Variants in KIRREL3 observed in about 807,000 individuals in gnomAD.
KIRREL3 encodes the protein kirre like nephrin family adhesion molecule 3, also known as kin of IRRE-like protein 3.
A neutral mutation model predicts 89.7 loss-of-function variants in KIRREL3; 36 were observed. That is an observed-to-expected ratio of 0.40 (90% CI 0.31 to 0.53). The LOEUF (loss-of-function observed/expected upper bound fraction) is 0.53. KIRREL3 is among the 20% of genes least tolerant of loss of function. The pLI, the probability that KIRREL3 is intolerant of heterozygous loss-of-function variation, is 0.49. For missense variants in KIRREL3, 864 were observed against 1,056.6 expected, an observed-to-expected ratio of 0.82 and a Z score of 2.53; for synonymous variants, 445 against 441.4, an observed-to-expected ratio of 1.01 and a Z score of -0.10.
chr11:126,798,143 C>A (rs1256326271), intron 1 of KIRREL3, among the ~76,000 whole-genome samples: 2 of 151,670 alleles, frequency 1.3e-5, no homozygotes, highest in Admixed American at 1.3e-4. Context: ...AGCATCTGTG[C>A]AACCCCCTTC....
chr11:126,480,041 T>A (rs1423263478), intron 4 of KIRREL3, among the ~76,000 whole-genome samples: 2 of 152,168 alleles, frequency 1.3e-5, no homozygotes, highest in East Asian at 1.9e-4. Flanking sequence ...TCTGTGTGTG[T>A]CTCTTCCCTG....
At chr11:126,758,365 A>G (rs1949571048) in intron 1 of KIRREL3, among the ~76,000 whole-genome samples, 1 of 152,224 alleles carries the variant, frequency 6.6e-6, no homozygotes, top group Admixed American at 6.5e-5. Flanking sequence ...AGTAATTTGT[A>G]GTAGTACTAT....
chr11:126,885,234 T>C (rs899468708), intron 1 of KIRREL3, among the ~76,000 whole-genome samples: 1 of 152,182 alleles, frequency 6.6e-6, no homozygotes, highest in African/African-American at 2.4e-5. Flanking sequence ...CTGTGTGAAG[T>C]CAAGATGTTT....
At chr11:126,916,670 G>A (rs1161459234) in intron 1 of KIRREL3, among the ~76,000 whole-genome samples, 4 of 152,158 alleles carry the variant, frequency 2.6e-5, no homozygotes, top group African/African-American at 4.8e-5. Flanking sequence ...TGTAGATCAC[G>A]GGACAGGAAG....
In KIRREL3 at chr11:126,687,781, T is replaced by C. The variant is rs1326258900; in HGVS notation, c.56-124869A>G. Among the ~76,000 whole-genome samples the C allele has an allele frequency of 1.3e-5, 2 of 152,140 alleles. No individual in the cohort carries two copies. Among genetic ancestry groups the C allele is most frequent in the Non-Finnish European group, 2.9e-5 (2 of 68,034 alleles). Reference sequence around the variant, plus strand: ...TCAGTCCAGTGAGAAACTAGAAAAGTCTGCAGGTAATGACAGGCAAAGAGA... The same window carrying C: ...TCAGTCCAGTGAGAAACTAGAAAAGCCTGCAGGTAATGACAGGCAAAGAGA... On this transcript the variant is annotated intron_variant, in intron 1 of 16. Coordinates refer to ENST00000525144, the MANE Select transcript of KIRREL3 (RefSeq NM_032531.4). The surrounding 1 kb of genome is among the most constrained non-coding windows in gnomAD (Gnocchi z 4.6).
Position 126,532,988 on chromosome 11 carries a change from G to A in KIRREL3, c.134-6301C>T, listed in dbSNP as rs57239841. On this transcript the variant is annotated intron_variant, in intron 2 of 16. Transcript: ENST00000525144. Reference sequence around the variant, plus strand: ...TAACTTTTCTATTTTTTAACTTTTTGTAGGGACAGGGTCTTGCTATGTTGC... The same window carrying A: ...TAACTTTTCTATTTTTTAACTTTTTATAGGGACAGGGTCTTGCTATGTTGC... Among the ~76,000 whole-genome samples the A allele has an allele frequency of 6.6e-3, 1,006 of 151,724 alleles. 7 individuals carry two copies. The highest frequency in any genetic ancestry group is 0.023 in the African/African-American group (943 of 41,314).
chr11:126,684,499 T>C lies in KIRREL3; in HGVS notation c.56-121587A>G, dbSNP rs977952420. On this transcript the variant is annotated intron_variant, in intron 1 of 16. Transcript: ENST00000525144. The surrounding 1 kb of genome is among the most constrained non-coding windows in gnomAD (Gnocchi z 4.2). ...CTGAGGGTGTTAGGGAAACCACAGG[T>C]GTCCACAATGCCTGCCATGCTATGA... Among the ~76,000 whole-genome samples the C allele has an allele frequency of 6.6e-6, 1 of 152,118 alleles. No homozygotes were observed. Among genetic ancestry groups the C allele is most frequent in the Non-Finnish European group, 1.5e-5 (1 of 68,002 alleles).
In KIRREL3 at chr11:126,491,771, G is replaced by A. The variant is rs145098283; in HGVS notation, c.434-18305C>T. 0.016 allele frequency among the ~76,000 whole-genome samples: 2,353 copies of A among 151,648 alleles called. 32 individuals carry two copies. Among genetic ancestry groups the A allele is most frequent in the Non-Finnish European group, 0.023 (1,539 of 67,944 alleles). On this transcript the variant is annotated intron_variant, in intron 4 of 16. Transcript: ENST00000525144. This position sits in a 1 kb window ranked among gnomAD's most constrained non-coding sequence, Gnocchi z 5.5. ...AGCTGGAGTTCAGTGGCATGATCTC[G>A]GCTCACTGCAACCTCCACCTCCCAG...
chr11:126,587,689 C>G lies in KIRREL3; in HGVS notation c.56-24777G>C, dbSNP rs547041858. 6.6e-6 allele frequency among the ~76,000 whole-genome samples: 1 copy of G among 152,322 alleles called. No individual in the cohort carries two copies. The highest frequency in any genetic ancestry group is 1.9e-4 in the East Asian group (1 of 5,184). On this transcript the variant is annotated intron_variant, in intron 1 of 16. Coordinates refer to ENST00000525144, the MANE Select transcript of KIRREL3 (RefSeq NM_032531.4). This position sits in a 1 kb window ranked among gnomAD's most constrained non-coding sequence, Gnocchi z 5.2. ...TGGGAGATATTCATTTAACATATTT[C>G]TGTCTCTGAATGGCTTTTACTTTTC...
At chr11:126,504,300 C>T (rs1407778783) in intron 4 of KIRREL3, among the ~76,000 whole-genome samples, 1 of 152,164 alleles carries the variant, frequency 6.6e-6, no homozygotes, top group Non-Finnish European at 1.5e-5. Context: ...CCCTTGTCCT[C>T]TTATGGTCTC....
At chr11:126,506,315 G>T (rs186827821) in intron 4 of KIRREL3, among the ~76,000 whole-genome samples, 1 of 152,066 alleles carries the variant, frequency 6.6e-6, no homozygotes, top group South Asian at 2.1e-4. Flanking sequence ...TAAACGAAAA[G>T]GCAAACTACA....
In KIRREL3 at chr11:126,608,098, C is replaced by T. The variant is rs796397131; in HGVS notation, c.56-45186G>A. Among the ~76,000 whole-genome samples the T allele has an allele frequency of 1.3e-5, 2 of 152,284 alleles. No individual in the cohort carries two copies. Among genetic ancestry groups the T allele is most frequent in the African/African-American group, 4.8e-5 (2 of 41,566 alleles). On this transcript the variant is annotated intron_variant, in intron 1 of 16. Transcript: ENST00000525144. This position sits in a 1 kb window ranked among gnomAD's most constrained non-coding sequence, Gnocchi z 4.9. ...TCCATCCTCACCCTTTAGACCACCC[C>T]ACAGGTGGGACAGGGTGGGCCCAGG...
chr11:126,692,166 T>C (rs1591969443), intron 1 of KIRREL3, among the ~76,000 whole-genome samples: 1 of 152,302 alleles, frequency 6.6e-6, no homozygotes, highest in East Asian at 1.9e-4. Context: ...GTTCCACTTC[T>C]GAGTAGACAT....
At chr11:126,842,480 T>G (rs1369754338) in intron 1 of KIRREL3, among the ~76,000 whole-genome samples, 1 of 152,212 alleles carries the variant, frequency 6.6e-6, no homozygotes, top group Non-Finnish European at 1.5e-5. Flanking sequence ...ATATATCCAC[T>G]GCAAGACCAT....
chr11:126,852,045 T>C (rs1224518444), intron 1 of KIRREL3, among the ~76,000 whole-genome samples: 2 of 120,992 alleles, frequency 1.7e-5, no homozygotes, highest in East Asian at 5.2e-4. Context: ...GTTGGGGCTA[T>C]AACCTTTTTT....
rs866523757 is a variant in KIRREL3, at chr11:126,844,338, C to T, written c.55+156117G>A. On this transcript the variant is annotated intron_variant, in intron 1 of 16. Coordinates refer to ENST00000525144, the MANE Select transcript of KIRREL3 (RefSeq NM_032531.4). This position sits in a 1 kb window ranked among gnomAD's most constrained non-coding sequence, Gnocchi z 4.8. ...CACAGAAGGGACAATACTAAGGAAA[C>T]CCCAGACCCAAAGGCTAACCTTGGG... Among the ~76,000 whole-genome samples the T allele has an allele frequency of 1.3e-5, 2 of 152,098 alleles. No homozygotes were observed. Among genetic ancestry groups the T allele is most frequent in the East Asian group, 3.9e-4 (2 of 5,182 alleles).
chr11:126,551,080 C>T lies in KIRREL3; in HGVS notation c.133+11755G>A, dbSNP rs1939223302. Among the ~76,000 whole-genome samples the T allele has an allele frequency of 6.6e-6, 1 of 152,136 alleles. No individual in the cohort carries two copies. The highest frequency in any genetic ancestry group is 6.5e-5 in the Admixed American group (1 of 15,276). ...TCAGGGAAACACTTACCTATGTTTA[C>T]AGTTTATTCTAAAGGATATTACAAA... On this transcript the variant is annotated intron_variant, in intron 2 of 16. Coordinates refer to ENST00000525144, the MANE Select transcript of KIRREL3 (RefSeq NM_032531.4). The surrounding 1 kb of genome is among the most constrained non-coding windows in gnomAD (Gnocchi z 4.9).
intron 1 of KIRREL3, among the ~76,000 whole-genome samples, chr11:126,585,435 T>C (rs781192035): frequency 6.6e-6 from 1 of 151,280 alleles, no homozygotes; most frequent in Non-Finnish European, 1.5e-5. Flanking sequence ...GTTTTCAACC[T>C]GCGGGCCAGG....
At position 126,740,028 on chromosome 11, in the gene KIRREL3, G is replaced by C. The variant is rs1476624767; in HGVS notation, c.56-177116C>G. On this transcript the variant is annotated intron_variant, in intron 1 of 16. Transcript: ENST00000525144. The surrounding 1 kb of genome is among the most constrained non-coding windows in gnomAD (Gnocchi z 6.0). Reference sequence around the variant, plus strand: ...GGAGGGTAGGGTGTATGGAGGGAGGGGGCAGAGAAAGAAAGGAAGAAAGAA... The same window carrying C: ...GGAGGGTAGGGTGTATGGAGGGAGGCGGCAGAGAAAGAAAGGAAGAAAGAA... 2.6e-5 allele frequency among the ~76,000 whole-genome samples: 4 copies of C among 152,122 alleles called. No homozygotes were observed. In the East Asian group the frequency reaches 7.7e-4, roughly 29 times the overall value.
Sources: allele counts gnomAD v4.1 joint callset (sites outside exome capture counted in the v4.1 genomes callset), GRCh38; gene constraint gnomAD v4.1.1; non-coding constraint Gnocchi (gnomAD v3.1); transcripts MANE v1.5; gene names NCBI Gene and HGNC (gene_info 2026-07-23, HGNC 2026-07-21).